AMER3: variants seen among roughly 807,000 people sequenced by gnomAD.
AMER3 encodes family with sequence similarity 123C.
For synonymous variants in AMER3, 541 were observed against 485.5 expected (o/e 1.11, Z -1.50); for missense variants, 1,201 against 1,139.4 (o/e 1.05, Z -0.78).
chr2:130,758,088 C>A (rs929332600), intron 1 of AMER3, among the ~76,000 whole-genome samples: 1 of 151,940 alleles, frequency 6.6e-6, no homozygotes, highest in Non-Finnish European at 1.5e-5. Context: ...GAGCCAAGAT[C>A]ACGCCACTGC....
Position 130,766,118 on chromosome 2 carries a change from C to T in AMER3, c.*1460C>T, listed in dbSNP as rs545969001. 5 of 167,076 alleles carry T rather than the reference C, an allele frequency of 3.0e-5. No individual in the cohort carries two copies. The South Asian group carries it at 1.0e-3, about 35-fold the overall frequency. 10.3% of individuals were successfully genotyped at this position (167,076 alleles called of 1,614,324 possible). The stretch of plus-strand genomic sequence containing the variant: ...GACTTTAGATGTTAGGGATTTGAAA[C>T]TTTAGAGATTTGCGTCTTTCAGTAT... On this transcript the variant is annotated 3_prime_UTR_variant, in exon 2 of 2. Transcript: ENST00000321420.
Position 130,768,035 on chromosome 2 carries a change from G to C in AMER3, c.*3377G>C, listed in dbSNP as rs970367972. The stretch of plus-strand genomic sequence containing the variant: ...CCTCCAGCAGGCTGAGCACCCAGGG[G>C]GAGGCTGCCCTGACTCAACCCCAGC... On this transcript the variant is annotated 3_prime_UTR_variant, in exon 2 of 2. Transcript: ENST00000321420. The C allele has an allele frequency of 1.2e-5, 2 of 167,100 alleles. No homozygotes were observed. Among genetic ancestry groups the C allele is most frequent in the Admixed American group, 1.3e-4 (2 of 15,284 alleles). The allele number at this position is 167,100 out of a possible 1,614,324, so 10.4% of individuals were successfully genotyped here.
In AMER3 at chr2:130,762,286, C is replaced by G; in HGVS notation, c.214C>G (p.Leu72Val). ...CAGATGCCCCAACAAAGGGGCGCAG[C>G]TGGACCCCAAAGGGGGACCCGCAGC... ...YDRCPNKGAQ[L>V]DPKGGPAALC... is the part of the protein sequence containing the mutation. The change falls in exon 2 of 2, where the codon CTG (leucine) becomes GTG (valine). Residue 72 changes from leucine (L) to valine (V), a missense_variant. By Grantham distance (32) the Leu-to-Val change is conservative. Coordinates refer to ENST00000321420, the MANE Select transcript of AMER3 (RefSeq NM_152698.3). The G allele has an allele frequency of 1.3e-6, 2 of 1,591,012 alleles. No homozygotes were observed. The highest frequency in any genetic ancestry group is 1.1e-5 in the South Asian group (1 of 87,872).
chr2:130,758,215 TTAAC>T (rs1041301661), intron 1 of AMER3, among the ~76,000 whole-genome samples: 4 of 150,364 alleles, frequency 2.7e-5, no homozygotes, highest in Non-Finnish European at 4.4e-5. Flanking sequence ...AAAAAAAAAA[TTAAC>T]TGGGCGTGGT....
Position 130,767,240 on chromosome 2 carries a change from T to C in AMER3, c.*2582T>C, listed in dbSNP as rs995328179. 1.8e-5 allele frequency: 3 copies of C among 167,192 alleles called. No individual in the cohort carries two copies. The highest frequency in any genetic ancestry group is 7.2e-5 in the African/African-American group (3 of 41,398). The allele number at this position is 167,192 out of a possible 1,614,324, so 10.4% of individuals were successfully genotyped here. ...CCATCCACATTCTCCAAGATTAGCT[T>C]CTACCTCAACCAGCACACCTCAGCA... On this transcript the variant is annotated 3_prime_UTR_variant, in exon 2 of 2. Transcript: ENST00000321420.
intron 1 of AMER3, among the ~76,000 whole-genome samples, chr2:130,761,731 C>T (rs1678786678): frequency 1.3e-5 from 2 of 152,178 alleles, no homozygotes; most frequent in South Asian, 4.1e-4. Context: ...GGACCTGCTA[C>T]GGATACACTA....
chr2:130,760,956 G>A (rs1017721078), intron 1 of AMER3, among the ~76,000 whole-genome samples: 2 of 151,910 alleles, frequency 1.3e-5, no homozygotes, highest in Non-Finnish European at 2.9e-5. Flanking sequence ...CCCTGCTGTC[G>A]GTGAGCCCTG....
chr2:130,764,733 A>G lies in AMER3; in HGVS notation c.*75A>G, dbSNP rs536424655. 4 of 1,369,122 alleles carry G rather than the reference A, an allele frequency of 2.9e-6. No homozygotes were observed. In the African/African-American group the frequency reaches 5.9e-5, roughly 20 times the overall value. 84.8% of individuals were successfully genotyped at this position (1,369,122 alleles called of 1,614,324 possible). A position where few individuals can be genotyped will look rare whatever the true frequency, so the allele number is the denominator to read the frequency against. On this transcript the variant is annotated 3_prime_UTR_variant, in exon 2 of 2. Coordinates refer to ENST00000321420, the MANE Select transcript of AMER3 (RefSeq NM_152698.3). Reference sequence around the variant, plus strand: ...AGGAGAGCCTAGGACTCAAATCTCTATCTTTTGTCCCTGATGTGGGGACTG... The same window carrying G: ...AGGAGAGCCTAGGACTCAAATCTCTGTCTTTTGTCCCTGATGTGGGGACTG...
At chr2:130,756,536 C>T (rs1369194642) in intron 1 of AMER3, among the ~76,000 whole-genome samples, 1 of 152,136 alleles carries the variant, frequency 6.6e-6, no homozygotes, top group Non-Finnish European at 1.5e-5. Flanking sequence ...CAGCGGTTCC[C>T]GGCGCAGTCA....
chr2:130,757,588 C>T (rs1164012281), intron 1 of AMER3, among the ~76,000 whole-genome samples: 3 of 152,166 alleles, frequency 2.0e-5, no homozygotes, highest in Non-Finnish European at 4.4e-5. Flanking sequence ...GCTTTCAGAT[C>T]CTTAAATATT....
In AMER3 at chr2:130,763,567, G is replaced by A. The variant is rs1021319096; in HGVS notation, c.1495G>A (p.Asp499Asn). Residue 499 changes from aspartate (D) to asparagine (N), a missense_variant, in exon 2 of 2, where the codon GAC becomes AAC. Transcript: ENST00000321420. ...CAAGGAGTGCCTGCTGAAGCTGTGT[G>A]ACACTGAGCTCGCCATCACCATGGG... ...KGKECLLKLCDTELAITMGIV... is the reference protein window; with the variant it reads ...KGKECLLKLCNTELAITMGIV... 1 of 1,612,030 alleles carries A rather than the reference G, an allele frequency of 6.2e-7. No homozygotes were observed. The highest frequency in any genetic ancestry group is 2.2e-5 in the East Asian group (1 of 44,870).
intron 1 of AMER3, 45 bp from the exon 2 acceptor site, chr2:130,762,009 G>A (rs945194143): frequency 8.4e-6 from 13 of 1,540,204 alleles, no homozygotes; most frequent in Non-Finnish European, 1.1e-5. Context: ...AGAGCCCAGG[G>A]CCCTCCCGTC....
At position 130,767,847 on chromosome 2, in the gene AMER3, G is replaced by A. The variant is rs1679027522; in HGVS notation, c.*3189G>A. On this transcript the variant is annotated 3_prime_UTR_variant, in exon 2 of 2. Coordinates refer to ENST00000321420, the MANE Select transcript of AMER3 (RefSeq NM_152698.3). ...TTGCCCACAGTTATTAGTGTGTGAG[G>A]TGATGGGTTTTGTCCCGTCCCAGCT... 1.2e-5 allele frequency: 2 copies of A among 167,210 alleles called. No homozygotes were observed. The highest frequency in any genetic ancestry group is 2.4e-5 in the African/African-American group (1 of 41,458). 10.4% of individuals were successfully genotyped at this position (167,210 alleles called of 1,614,324 possible). A position where few individuals can be genotyped will look rare whatever the true frequency, so the allele number is the denominator to read the frequency against.
In AMER3 at chr2:130,762,619, A is replaced by G. The variant is rs757135637; in HGVS notation, c.547A>G (p.Ser183Gly). 6.2e-7 allele frequency: 1 copy of G among 1,612,326 alleles called. No individual in the cohort carries two copies. Among genetic ancestry groups the G allele is most frequent in the Non-Finnish European group, 8.5e-7 (1 of 1,179,916 alleles). Residue 183 changes from serine (S) to glycine (G), a missense_variant, in exon 2 of 2, where the codon AGC becomes GGC. By Grantham distance (56) the Ser-to-Gly change is moderately conservative. Transcript: ENST00000321420. The part of the protein sequence containing the change: ...DLASLAAEGK[S>G]LPSPGDPSDP... The stretch of plus-strand genomic sequence containing the variant: ...GGCCTCGCTGGCGGCCGAGGGGAAA[A>G]GCCTGCCCTCCCCAGGGGACCCGTC...
In AMER3 at chr2:130,764,935, A is replaced by C. The variant is rs1194764892; in HGVS notation, c.*277A>C. The C allele has an allele frequency of 1.4e-5, 6 of 421,308 alleles. No individual in the cohort carries two copies. Among genetic ancestry groups the C allele is most frequent in the Non-Finnish European group, 2.7e-5 (6 of 226,090 alleles). 26.1% of individuals were successfully genotyped at this position (421,308 alleles called of 1,614,324 possible). On this transcript the variant is annotated 3_prime_UTR_variant, in exon 2 of 2. Coordinates refer to ENST00000321420, the MANE Select transcript of AMER3 (RefSeq NM_152698.3). ...AGAGAGGGGCTAGGGCTTGAAACTG[A>C]GGGGGAGAAAGAGCTGCACATTGTA...
At chr2:130,761,492 T>C (rs1678779096) in intron 1 of AMER3, among the ~76,000 whole-genome samples, 4 of 152,228 alleles carry the variant, frequency 2.6e-5, no homozygotes, top group African/African-American at 9.6e-5. Context: ...AGTTCTGGGC[T>C]GTGTCTTGCC....
chr2:130,761,918 C>A, intron 1 of AMER3, 136 bp from the exon 2 acceptor site: 1 of 870,032 alleles, frequency 1.1e-6, no homozygotes, highest in Non-Finnish European at 1.7e-6. Context: ...CCATCTTTCT[C>A]CCCCACCTGC....
rs747672659 is a variant in AMER3, at chr2:130,763,643, C to T, written c.1571C>T (p.Pro524Leu). 29 of 1,532,890 alleles carry T rather than the reference C, an allele frequency of 1.9e-5. No individual in the cohort carries two copies. The African/African-American group carries it at 3.1e-4, about 17-fold the overall frequency. The allele number at this position is 1,532,890 out of a possible 1,614,324, so 95.0% of individuals were successfully genotyped here. The change falls in exon 2 of 2, where the codon CCT becomes CTT. Residue 524 changes from proline (P) to leucine (L), a missense_variant. Physicochemically the swap from Pro to Leu is moderately conservative, Grantham distance 98. Coordinates refer to ENST00000321420, the MANE Select transcript of AMER3 (RefSeq NM_152698.3). ...RGPTPRAPPT[P>L]GQPAAPPGSQ... ...CCCACGCCCCGTGCCCCACCCACCC[C>T]TGGGCAGCCTGCAGCTCCACCTGGT...
rs1191999061 is a variant in AMER3 at position 130,764,135 on chromosome 2, A to G, written c.2063A>G (p.Asn688Ser). Residue 688 changes from asparagine (N) to serine (S), a missense_variant, in exon 2 of 2, where the codon AAC becomes AGC. Asn to Ser is a conservative substitution (Grantham distance 46). Transcript: ENST00000321420. Reference sequence around the variant, plus strand: ...GTGGCAGCCCTGAAGATCAGCTCAAACGAACAGCCCCCGGCCGCATGGCCT... The same window carrying G: ...GTGGCAGCCCTGAAGATCAGCTCAAGCGAACAGCCCCCGGCCGCATGGCCT... ...ARVAALKISS[N>S]EQPPAAWPPR... The G allele has an allele frequency of 3.7e-6, 6 of 1,612,046 alleles. No homozygotes were observed. The highest frequency in any genetic ancestry group is 5.1e-6 in the Non-Finnish European group (6 of 1,179,406).
Sources: gnomAD v4.1 joint callset for allele counts (sites outside exome capture counted in the v4.1 genomes callset) on GRCh38, gnomAD v4.1.1 for gene constraint, MANE v1.5 for transcripts, NCBI Gene and HGNC (gene_info 2026-07-23, HGNC 2026-07-21) for gene names.